Variants in COL23A1 observed in about 807,000 individuals in gnomAD.
COL23A1 encodes collagen alpha-1(XXIII) chain.
A neutral mutation model predicts 99.3 loss-of-function variants in COL23A1; 97 were observed. That is an observed-to-expected ratio of 0.98 (90% CI 0.83 to 1.16). The LOEUF (loss-of-function observed/expected upper bound fraction) is 1.16. Ranked by LOEUF, COL23A1 falls within the 50% of genes most tolerant of loss-of-function variation. COL23A1 has a pLI of 0.00. For synonymous variants in COL23A1, 320 were observed against 308.2 expected, an observed-to-expected ratio of 1.04 and a Z score of -0.40; for missense variants, 762 against 757.4, an observed-to-expected ratio of 1.01 and a Z score of -0.07.
intron 2 of COL23A1, among the ~76,000 whole-genome samples, chr5:178,394,142 A>AGGCAAGGAGGAGGCCCAG (rs1288893742): frequency 2.6e-5 from 4 of 152,346 alleles, no homozygotes; most frequent in Middle Eastern, 3.4e-3. Flanking sequence ...GAGGCAGGAC[A>AGGCAAGGAGGAGGCCCAG]GGCAAGGAGG....
intron 2 of COL23A1, among the ~76,000 whole-genome samples, chr5:178,539,132 T>C (rs762488455): frequency 4.6e-5 from 7 of 152,172 alleles, no homozygotes; most frequent in Non-Finnish European, 8.8e-5. Context: ...AATGAAAATG[T>C]TCTGAAAATA....
intron 2 of COL23A1, among the ~76,000 whole-genome samples, chr5:178,360,541 C>G (rs1762122268): frequency 6.6e-6 from 1 of 152,204 alleles, no homozygotes; most frequent in African/African-American, 2.4e-5. Context: ...ACTGACCGCA[C>G]ACAGATCTGT....
At chr5:178,403,733 C>A (rs1398574367) in intron 2 of COL23A1, among the ~76,000 whole-genome samples, 1 of 152,258 alleles carries the variant, frequency 6.6e-6, no homozygotes, top group African/African-American at 2.4e-5. Context: ...TCCCTGTGCA[C>A]CAACTGTGCC....
intron 2 of COL23A1, among the ~76,000 whole-genome samples, chr5:178,361,114 G>A (rs1762153058): frequency 6.6e-6 from 1 of 151,976 alleles, no homozygotes; most frequent in South Asian, 2.1e-4. Context: ...CTCACACCAT[G>A]TTTTTAAAAA....
intron 2 of COL23A1, among the ~76,000 whole-genome samples, chr5:178,330,279 C>T (rs1251598214): frequency 6.6e-6 from 1 of 152,226 alleles, no homozygotes; most frequent in East Asian, 1.9e-4. Context: ...TTATTTGGTG[C>T]TCAGTCCTCA....
At chr5:178,578,363 T>C (rs983254154) in intron 1 of COL23A1, among the ~76,000 whole-genome samples, 2 of 152,124 alleles carry the variant, frequency 1.3e-5, no homozygotes, top group Admixed American at 6.5e-5. Context: ...CTTGACATCA[T>C]GGGAATCTTC....
intron 2 of COL23A1, among the ~76,000 whole-genome samples, chr5:178,545,190 G>A (rs1273157709): frequency 6.6e-6 from 1 of 152,136 alleles, no homozygotes; most frequent in Non-Finnish European, 1.5e-5. Context: ...GGGGGAGGCG[G>A]GTGCCCCTCA....
chr5:178,270,254 C>T, intron 6 of COL23A1, 83 bp downstream of exon 6: 2 of 1,531,544 alleles, frequency 1.3e-6, no homozygotes, highest in African/African-American at 1.4e-5. Flanking sequence ...TGGCTGCTTC[C>T]CTCCAGTGCC....
At chr5:178,580,597 T>G (rs1042340862) in intron 1 of COL23A1, among the ~76,000 whole-genome samples, 3 of 152,236 alleles carry the variant, frequency 2.0e-5, no homozygotes, top group Non-Finnish European at 4.4e-5. Flanking sequence ...GAAAACTGCA[T>G]AAGGGAGAAA....
chr5:178,334,278 A>G (rs1267408681), intron 2 of COL23A1, among the ~76,000 whole-genome samples: 1 of 152,178 alleles, frequency 6.6e-6, no homozygotes, highest in African/African-American at 2.4e-5. Context: ...CATCAGCAAG[A>G]CGACCCACAA....
At chr5:178,542,395 A>G (rs1379991623) in intron 2 of COL23A1, among the ~76,000 whole-genome samples, 5 of 152,188 alleles carry the variant, frequency 3.3e-5, no homozygotes, top group Non-Finnish European at 4.4e-5. Context: ...GGTACTGATA[A>G]GTTTATTAAA....
rs555940953 is a variant in COL23A1, at chr5:178,444,777, C to A, written c.361+115905G>T. On this transcript the variant is annotated intron_variant, in intron 2 of 28. Coordinates refer to ENST00000390654, the MANE Select transcript of COL23A1 (RefSeq NM_173465.4). Reference sequence around the variant, plus strand: ...CGCCACTGCACTCCAACCTGGGCGACAGAGTGAGACTTTTTGTGAAAACAA... The same window carrying A: ...CGCCACTGCACTCCAACCTGGGCGAAAGAGTGAGACTTTTTGTGAAAACAA... 2.6e-5 allele frequency among the ~76,000 whole-genome samples: 4 copies of A among 152,272 alleles called. No individual in the cohort carries two copies. In the East Asian group the frequency reaches 5.8e-4, roughly 22 times the overall value.
intron 3 of COL23A1, among the ~76,000 whole-genome samples, chr5:178,295,039 G>A (rs1484060023): frequency 6.6e-6 from 1 of 152,174 alleles, no homozygotes; most frequent in Admixed American, 6.5e-5. Context: ...AAACCAATTA[G>A]CCGGGTGTGC....
intron 2 of COL23A1, among the ~76,000 whole-genome samples, chr5:178,371,657 G>C (rs1245751677): frequency 6.6e-6 from 1 of 152,128 alleles, no homozygotes; most frequent in African/African-American, 2.4e-5. Flanking sequence ...GCACACCCTG[G>C]GGATTGCACA....
intron 6 of COL23A1, among the ~76,000 whole-genome samples, chr5:178,269,115 C>G (rs1167628542): frequency 6.6e-6 from 1 of 152,140 alleles, no homozygotes; most frequent in Admixed American, 6.5e-5. Context: ...GACCACTGCC[C>G]CCAAGCCATC....
intron 2 of COL23A1, among the ~76,000 whole-genome samples, chr5:178,413,687 G>A (rs1307350832): frequency 1.3e-5 from 2 of 152,204 alleles, no homozygotes; most frequent in African/African-American, 4.8e-5. Context: ...CTGCATGATT[G>A]CTCTTAGCTT....
intron 2 of COL23A1, among the ~76,000 whole-genome samples, chr5:178,540,579 G>A (rs1761231121): frequency 6.6e-6 from 1 of 152,202 alleles, no homozygotes; most frequent in Non-Finnish European, 1.5e-5. Context: ...AGAGTGTAAA[G>A]ATGTCACTCT....
chr5:178,374,452 G>A (rs951819253), intron 2 of COL23A1, among the ~76,000 whole-genome samples: 8 of 152,150 alleles, frequency 5.3e-5, no homozygotes, highest in African/African-American at 1.2e-4. Context: ...TGCCCCCCAC[G>A]CCTCCGTAAG....
At position 178,240,435 on chromosome 5, in the gene COL23A1, G is replaced by A. The variant is rs185392145; in HGVS notation, c.1582-1256C>T. On this transcript the variant is annotated intron_variant, in intron 27 of 28. Transcript: ENST00000390654. ...AAGGCCCACACAGCACACGGCACAC[G>A]GCACACAGCAGGCCAGGCCGCCTAC... is the stretch of plus-strand genomic sequence containing the variant. 2.6e-5 allele frequency among the ~76,000 whole-genome samples: 4 copies of A among 152,298 alleles called. No individual in the cohort carries two copies. In the East Asian group the frequency reaches 5.8e-4, roughly 22 times the overall value.
Sources: allele counts gnomAD v4.1 joint callset (sites outside exome capture counted in the v4.1 genomes callset), GRCh38; gene constraint gnomAD v4.1.1; transcripts MANE v1.5; gene names NCBI Gene and HGNC (gene_info 2026-07-23, HGNC 2026-07-21).